Variants in RNF145 observed in about 807,000 individuals in gnomAD.
The protein encoded by RNF145 is ring finger protein 145.
A neutral mutation model predicts 57.3 loss-of-function variants in RNF145; 12 were observed. The ratio of observed to expected loss-of-function variants is 0.21; its 90% CI spans 0.13 to 0.34. The LOEUF (loss-of-function observed/expected upper bound fraction) is 0.34. Ranked by LOEUF, RNF145 falls within the 10% of genes least tolerant of loss-of-function variation. The probability of loss-of-function intolerance (pLI) is 1.00; values close to 1 mark genes in which losing one functional copy is unlikely to be tolerated. For missense variants in RNF145, 429 were observed against 799.0 expected (o/e 0.54, Z 5.58); for synonymous variants, 262 against 288.3 (o/e 0.91, Z 0.92).
chr5:159,191,383 T>C (rs921219451), intron 3 of RNF145, among the ~76,000 whole-genome samples: 3 of 152,208 alleles, frequency 2.0e-5, no homozygotes, highest in Non-Finnish European at 2.9e-5. Flanking sequence ...TCCTAGCTGT[T>C]TGCCTACTTC....
At chr5:159,175,356 G>A (rs893883959) in intron 5 of RNF145, among the ~76,000 whole-genome samples, 29 of 151,962 alleles carry the variant, frequency 1.9e-4, no homozygotes, top group African/African-American at 6.8e-4. Flanking sequence ...TCCTGGTCAC[G>A]CATTTTATAA....
Position 159,161,144 on chromosome 5 carries a change from AT to A in RNF145, c.1626+121del, listed in dbSNP as rs887831601. ...GTCTTTAATATAATTTCTGAGGTCC[AT>A]TTTTTTTAATCCAGAAGATAATTTT... On this transcript the variant is annotated intron_variant, in intron 10 of 10. Transcript: ENST00000424310. 1.4e-3 allele frequency: 851 copies of A among 623,502 alleles called. 1 individual carries two copies. Among genetic ancestry groups the A allele is most frequent in the Middle Eastern group, 4.1e-3 (9 of 2,188 alleles). The allele number at this position is 623,502 out of a possible 1,614,324, so 38.6% of individuals were successfully genotyped here. A position where few individuals can be genotyped will look rare whatever the true frequency, so the allele number is the denominator to read the frequency against.
chr5:159,167,317 A>G (rs1784420252), intron 8 of RNF145, among the ~76,000 whole-genome samples: 1 of 152,154 alleles, frequency 6.6e-6, no homozygotes, highest in African/African-American at 2.4e-5. Context: ...GCCACAAGGA[A>G]TAACACAGAC....
intron 4 of RNF145, 146 bp downstream of exon 4, chr5:159,181,812 ACC>A: frequency 5.7e-6 from 3 of 524,734 alleles, no homozygotes; most frequent in Non-Finnish European, 7.0e-6. Context: ...AAAAAAAAAA[ACC>A]ACCAAACAAT....
intron 6 of RNF145, among the ~76,000 whole-genome samples, chr5:159,170,155 T>TAA (rs1784500761): frequency 6.6e-6 from 1 of 152,234 alleles, no homozygotes; most frequent in Non-Finnish European, 1.5e-5. Context: ...AAGAAGCTTG[T>TAA]ACAGTTGCCC....
At chr5:159,190,312 G>A (rs1031578049) in intron 3 of RNF145, among the ~76,000 whole-genome samples, 3 of 152,092 alleles carry the variant, frequency 2.0e-5, no homozygotes, top group Non-Finnish European at 4.4e-5. Context: ...GGGATTACAA[G>A]TGTGAGCCAC....
At chr5:159,176,531 A>T in intron 5 of RNF145, 101 bp downstream of exon 5, 1 of 721,918 alleles carries the variant, frequency 1.4e-6, no homozygotes, top group Non-Finnish European at 2.3e-6. Context: ...TGCAAAAATG[A>T]ATGGTACCAT....
chr5:159,181,890 T>C (rs552146450), intron 4 of RNF145, 70 bp downstream of exon 4: 4 of 844,746 alleles, frequency 4.7e-6, no homozygotes, highest in African/African-American at 3.4e-5. Context: ...AAAATGAGTA[T>C]GCATGAATTT....
intron 3 of RNF145, among the ~76,000 whole-genome samples, chr5:159,182,445 C>G (rs184695496): frequency 3.8e-4 from 58 of 152,142 alleles, no homozygotes; most frequent in Middle Eastern, 6.8e-3. Flanking sequence ...CATCACCCCA[C>G]CCTCATCTTA....
chr5:159,187,076 T>G (rs961406887), intron 3 of RNF145, among the ~76,000 whole-genome samples: 2 of 150,914 alleles, frequency 1.3e-5, no homozygotes, highest in African/African-American at 4.9e-5. Flanking sequence ...AGGTCAGGAG[T>G]TCAAGAACAG....
intron 6 of RNF145, among the ~76,000 whole-genome samples, chr5:159,171,955 A>G (rs12188266): frequency 0.12 from 18,367 of 152,226 alleles, 1,447 homozygotes; most frequent in South Asian, 0.2. Context: ...TGTTAGCAAG[A>G]TATCTAAACT....
chr5:159,166,275 C>A (rs994674777), intron 8 of RNF145, among the ~76,000 whole-genome samples: 3 of 152,110 alleles, frequency 2.0e-5, no homozygotes, highest in Admixed American at 6.5e-5. Flanking sequence ...TGTGTAGGAG[C>A]GATTCTTGAT....
chr5:159,180,169 C>T (rs1287676525), intron 4 of RNF145, among the ~76,000 whole-genome samples: 1 of 152,082 alleles, frequency 6.6e-6, no homozygotes, highest in Non-Finnish European at 1.5e-5. Flanking sequence ...GTGGTTGTTA[C>T]TGGTGCTTCC....
rs1467966128 is a variant in RNF145, at chr5:159,165,608, G to A, written c.1122-2529C>T. Among the ~76,000 whole-genome samples the A allele has an allele frequency of 2.6e-3, 91 of 35,600 alleles. 37 individuals carry two copies. The African/African-American group carries it at 0.027, about 11-fold the overall frequency. The allele number at this position is 35,600 out of a possible 152,430, so 23.4% of individuals were successfully genotyped here. On this transcript the variant is annotated intron_variant, in intron 8 of 10. Coordinates refer to ENST00000424310, the MANE Select transcript of RNF145 (RefSeq NM_001199383.2). ...TGAGGCAGGAGAATGGCGTGAACCC[G>A]GGAGGCGGAGCTTGCAGTGAGCCGA...
chr5:159,207,944 T>A, intron 1 of RNF145: 2 of 1,605,026 alleles, frequency 1.2e-6, no homozygotes, highest in Non-Finnish European at 1.7e-6. Context: ...GCTCATTCTT[T>A]TGGGCATGAT....
intron 8 of RNF145, among the ~76,000 whole-genome samples, chr5:159,168,233 A>C (rs1487873554): frequency 6.6e-6 from 1 of 152,176 alleles, no homozygotes; most frequent in African/African-American, 2.4e-5. Context: ...GAACCTCAAA[A>C]ATATATACTA....
intron 2 of RNF145, among the ~76,000 whole-genome samples, chr5:159,196,882 GGTCTT>G (rs1429003844): frequency 4.6e-5 from 7 of 152,014 alleles, no homozygotes; most frequent in Non-Finnish European, 1.0e-4. Context: ...TTTCCAGAAC[GGTCTT>G]GTCTTTTCTT....
chr5:159,171,622 C>T (rs967478563), intron 6 of RNF145, among the ~76,000 whole-genome samples: 2 of 151,984 alleles, frequency 1.3e-5, no homozygotes, highest in African/African-American at 4.8e-5. Context: ...ATCTTAATTT[C>T]TATTTTCTGG....
chr5:159,169,861 A>C, intron 6 of RNF145, 42 bp from the exon 7 acceptor site: 1 of 1,533,564 alleles, frequency 6.5e-7, no homozygotes, highest in Non-Finnish European at 8.8e-7. Context: ...TAAACTTTCC[A>C]TTTGGAGTAA....
Sources: gnomAD v4.1 joint callset for allele counts (sites outside exome capture counted in the v4.1 genomes callset) on GRCh38, gnomAD v4.1.1 for gene constraint, MANE v1.5 for transcripts, NCBI Gene and HGNC (gene_info 2026-07-23, HGNC 2026-07-21) for gene names.